Variants in MPP3 observed in about 807,000 individuals in gnomAD.
MPP3 encodes the protein MAGUK p55 subfamily member 3.
Under a neutral mutation model 80.7 loss-of-function variants are expected in MPP3, and 48 were observed. That is an observed-to-expected ratio of 0.59 (90% CI 0.47 to 0.76). The LOEUF (loss-of-function observed/expected upper bound fraction) is 0.76, where lower values mean the gene tolerates loss of function less well. Among genes scored for constraint, MPP3 ranks in the 30% least tolerant of loss-of-function variants. The pLI is 0.00. For synonymous variants in MPP3, 311 were observed against 297.6 expected (o/e 1.04, Z -0.46); for missense variants, 620 against 763.0 (o/e 0.81, Z 2.21).
At position 43,801,558 on chromosome 17, in the gene MPP3, T is replaced by C; in HGVS notation, c.*143A>G. ...GACAAAAACCAACAACAAACAAGACTTCCCACTTATACTCTTCTCGATGAT... is the reference window on the plus strand; with the variant it reads ...GACAAAAACCAACAACAAACAAGACCTCCCACTTATACTCTTCTCGATGAT... On this transcript the variant is annotated 3_prime_UTR_variant, in exon 20 of 20. Coordinates refer to ENST00000398389, the MANE Select transcript of MPP3 (RefSeq NM_001932.6). 2 of 745,996 alleles carry C rather than the reference T, an allele frequency of 2.7e-6. No individual in the cohort carries two copies. The highest frequency in any genetic ancestry group is 6.6e-5 in the Admixed American group (2 of 30,346). 46.2% of individuals were successfully genotyped at this position (745,996 alleles called of 1,614,324 possible).
At chr17:43,818,659 T>C (rs1350207601) in intron 11 of MPP3, among the ~76,000 whole-genome samples, 2 of 152,094 alleles carry the variant, frequency 1.3e-5, no homozygotes, top group Admixed American at 1.3e-4. Context: ...GCGTGGTGGC[T>C]CACACCTGTA....
intron 8 of MPP3, among the ~76,000 whole-genome samples, chr17:43,827,244 G>A (rs1197105542): frequency 3.3e-5 from 5 of 151,584 alleles, no homozygotes; most frequent in African/African-American, 1.2e-4. Context: ...TCGAACTCCC[G>A]ACCTCAGGTG....
intron 7 of MPP3, among the ~76,000 whole-genome samples, chr17:43,828,553 T>C (rs998678393): frequency 2.0e-5 from 3 of 152,250 alleles, no homozygotes; most frequent in African/African-American, 7.2e-5. Context: ...CTGTGAGATG[T>C]GGGACAGCAT....
chr17:43,825,874 G>A (rs779978164), intron 8 of MPP3, 33 bp from the exon 9 acceptor site: 2 of 1,381,524 alleles, frequency 1.4e-6, no homozygotes, highest in Non-Finnish European at 2.1e-6. Context: ...ATCAGCACAG[G>A]AGGAGGACCT....
chr17:43,819,750 C>T (rs2045328102), intron 11 of MPP3, among the ~76,000 whole-genome samples: 1 of 150,180 alleles, frequency 6.7e-6, no homozygotes, highest in Non-Finnish European at 1.5e-5. Context: ...AATCACACTA[C>T]AAAAACGATG....
rs1351677147 is a variant in MPP3 at position 43,811,166 on chromosome 17, A to G, written c.1295T>C (p.Val432Ala). 1.9e-5 allele frequency: 30 copies of G among 1,613,654 alleles called. 1 individual carries two copies. Among genetic ancestry groups the G allele is most frequent in the African/African-American group, 2.7e-5 (2 of 74,830 alleles). The change falls in exon 17 of 20, where the codon GTG (valine) becomes GCG (alanine). Residue 432 changes from valine to alanine, a missense_variant. Val to Ala is a moderately conservative substitution (Grantham distance 64). Coordinates refer to ENST00000398389, the MANE Select transcript of MPP3 (RefSeq NM_001932.6). ...RPRKSHEKEG[V>A]EYHFVSKQAF... The stretch of plus-strand genomic sequence containing the variant: ...TTGCTTAGACACAAAGTGATATTCC[A>G]CTCCTTCCTTCTCATGGCTCTTTCG...
intron 14 of MPP3, chr17:43,814,719 T>A (rs976837749): frequency 2.6e-5 from 5 of 189,588 alleles, no homozygotes; most frequent in Non-Finnish European, 4.3e-5. Context: ...GAAAATGTCA[T>A]AAAGGACATG....
Position 43,801,760 on chromosome 17 carries a change from CTT to C in MPP3, c.1697_1698del (p.Lys566SerfsTer16). Reference sequence around the variant, plus strand: ...TCCTTGCTCAGCTTCTCTAAGACCACTTTGAGCTGGCTGTAGGCACCCTGGAG... The same window carrying C: ...TCCTTGCTCAGCTTCTCTAAGACCACTGAGCTGGCTGTAGGCACCCTGGAG... ...EDLQGAYSQL[K>X]VVLEKLSKDT... On this transcript the variant is annotated frameshift_variant, in exon 20 of 20. Transcript: ENST00000398389. LOFTEE classifies it high-confidence loss of function. The C allele has an allele frequency of 6.2e-7, 1 of 1,614,128 alleles. No homozygotes were observed. The highest frequency in any genetic ancestry group is 8.5e-7 in the Non-Finnish European group (1 of 1,180,012).
At position 43,814,079 on chromosome 17, in the gene MPP3, G is replaced by A. The variant is rs2044993557; in HGVS notation, c.1187C>T (p.Ala396Val). ...CTTTTGCTTCAGCTCGTGCAGTCGG[G>A]CTCCCAGAGACCCTGGGAAACAAGA... ...RLVVLIGSLGARLHELKQKVV... is the reference protein window; with the variant it reads ...RLVVLIGSLGVRLHELKQKVV... Residue 396 changes from alanine to valine, a missense_variant, in exon 16 of 20, where the codon GCC becomes GTC. Coordinates refer to ENST00000398389, the MANE Select transcript of MPP3 (RefSeq NM_001932.6). 2 of 1,612,956 alleles carry A rather than the reference G, an allele frequency of 1.2e-6. No homozygotes were observed. Among genetic ancestry groups the A allele is most frequent in the Non-Finnish European group, 1.7e-6 (2 of 1,179,234 alleles).
At chr17:43,820,639 C>CACACACAAACACACAT (rs796095687) in intron 11 of MPP3, among the ~76,000 whole-genome samples, 1 of 145,312 alleles carries the variant, frequency 6.9e-6, no homozygotes, top group South Asian at 2.2e-4. Context: ...CACACACACA[C>CACACACAAACACACAT]ATTAACTTAA....
chr17:43,815,988 G>GC (rs1470978496), intron 14 of MPP3, 50 bp downstream of exon 14: 1 of 1,448,074 alleles, frequency 6.9e-7, no homozygotes. Context: ...TAACTCTGGG[G>GC]CCTTGGGTGG....
rs2045241700 is a variant in MPP3 at position 43,818,091 on chromosome 17, C to T, written c.901G>A (p.Ala301Thr). Reference sequence around the variant, plus strand: ...TGGGGGCTCGGCAGGGTGCCCGCGGCTCTCCGGTAGCTTAGTCGTCTGCAG... The same window carrying T: ...TGGGGGCTCGGCAGGGTGCCCGCGGTTCTCCGGTAGCTTAGTCGTCTGCAG... The part of the protein sequence containing the change: ...FQERRLSYRR[A>T]AGTLPSPQSL... Residue 301 changes from alanine to threonine, a missense_variant, in exon 12 of 20, where the codon GCC becomes ACC. Coordinates refer to ENST00000398389, the MANE Select transcript of MPP3 (RefSeq NM_001932.6). 6.4e-7 allele frequency: 1 copy of T among 1,569,734 alleles called. No homozygotes were observed. The highest frequency in any genetic ancestry group is 2.4e-5 in the East Asian group (1 of 41,642).
intron 14 of MPP3, among the ~76,000 whole-genome samples, chr17:43,814,831 A>T (rs909908108): frequency 2.0e-5 from 3 of 152,232 alleles, no homozygotes; most frequent in Non-Finnish European, 4.4e-5. Flanking sequence ...CCTTGGCCTT[A>T]GGAAATACAT....
At chr17:43,831,464 T>C in intron 4 of MPP3, 95 bp downstream of exon 4, 1 of 1,315,276 alleles carries the variant, frequency 7.6e-7, no homozygotes. Flanking sequence ...AAGGCCTTCC[T>C]GGGGCAGGGA....
intron 19 of MPP3, among the ~76,000 whole-genome samples, chr17:43,803,145 G>A (rs1050332442): frequency 9.2e-5 from 14 of 152,078 alleles, no homozygotes; most frequent in African/African-American, 3.4e-4. Flanking sequence ...ACTGCCCCCG[G>A]ATCTTCAACC....
rs532835745 is a variant in MPP3, at chr17:43,830,793, C to A, written c.222+451G>T. 3.3e-5 allele frequency among the ~76,000 whole-genome samples: 5 copies of A among 152,310 alleles called. No homozygotes were observed. In the South Asian group the frequency reaches 1.0e-3, roughly 32 times the overall value. The stretch of plus-strand genomic sequence containing the variant: ...ACCACGCAACATAGACGACTAGGTC[C>A]ACAAGAAATTAAGAAGCGTTCCTTT... On this transcript the variant is annotated intron_variant, in intron 5 of 19. Coordinates refer to ENST00000398389, the MANE Select transcript of MPP3 (RefSeq NM_001932.6).
intron 12 of MPP3, 70 bp downstream of exon 12, chr17:43,817,975 TC>T: frequency 7.0e-7 from 1 of 1,429,806 alleles, no homozygotes. Context: ...GCCTACTTCT[TC>T]CCAGCCTGAA....
intron 12 of MPP3, chr17:43,817,844 A>C: frequency 2.7e-5 from 10 of 368,022 alleles, no homozygotes; most frequent in Middle Eastern, 8.0e-4. Context: ...TCATCTATGG[A>C]CTCCAAATAT....
rs1307076486 is a variant in MPP3, at chr17:43,827,037, C to T, written c.523+714G>A. On this transcript the variant is annotated intron_variant, in intron 8 of 19. Coordinates refer to ENST00000398389, the MANE Select transcript of MPP3 (RefSeq NM_001932.6). ...TTTTCTTTTTTTCTTTTTTTTGAGACGGAATTTCACTCTTGTTGCCCAGGC... is the reference window on the plus strand; with the variant it reads ...TTTTCTTTTTTTCTTTTTTTTGAGATGGAATTTCACTCTTGTTGCCCAGGC... Among the ~76,000 whole-genome samples the T allele has an allele frequency of 4.0e-5, 6 of 151,296 alleles. No homozygotes were observed. The South Asian group carries it at 6.2e-4, about 16-fold the overall frequency.
Sources: gnomAD v4.1 joint callset for allele counts (sites outside exome capture counted in the v4.1 genomes callset) on GRCh38, gnomAD v4.1.1 for gene constraint, MANE v1.5 for transcripts, NCBI Gene and HGNC (gene_info 2026-07-23, HGNC 2026-07-21) for gene names.